Variants in LMNB2 observed in about 807,000 individuals in gnomAD.
The protein encoded by LMNB2 is lamin-B2.
Under a neutral mutation model 69.3 loss-of-function variants are expected in LMNB2, and 17 were observed. The observed-to-expected ratio is 0.25, with a 90% confidence interval of 0.17 to 0.37. LMNB2 has a LOEUF of 0.37. Ranked by LOEUF, LMNB2 falls within the 10% of genes least tolerant of loss-of-function variation. The probability of loss-of-function intolerance (pLI) is 1.00; values close to 1 mark genes in which losing one functional copy is unlikely to be tolerated. For synonymous variants in LMNB2, 397 were observed against 389.3 expected, an observed-to-expected ratio of 1.02 and a Z score of -0.23; for missense variants, 789 against 883.6, an observed-to-expected ratio of 0.89 and a Z score of 1.36.
chr19:2,433,753 C>T (rs147405167), intron 8 of LMNB2, 73 bp downstream of exon 8: 35,723 of 1,578,900 alleles, frequency 0.023, 505 homozygotes, highest in East Asian at 0.084. Flanking sequence ...CCGGCAGCCC[C>T]GTCACCCTGA....
chr19:2,438,642 G>A lies in LMNB2; in HGVS notation c.402-111C>T, dbSNP rs182614988. ...AAGACAAGGTCACCGAGGCCTCCGA[G>A]CCCCAGACCTTCCCGTCCTGCAGAC... On this transcript the variant is annotated intron_variant, in intron 2 of 11. Transcript: ENST00000325327. The A allele has an allele frequency of 3.0e-5, 40 of 1,331,522 alleles. 1 individual carries two copies. The South Asian group carries it at 5.3e-4, about 18-fold the overall frequency. 82.5% of individuals were successfully genotyped at this position (1,331,522 alleles called of 1,614,324 possible).
chr19:2,435,782 C>T (rs1273295422), intron 4 of LMNB2, among the ~76,000 whole-genome samples: 2 of 151,590 alleles, frequency 1.3e-5, no homozygotes, highest in East Asian at 3.9e-4. Context: ...CGCACCATTG[C>T]ACTCCAACCT....
Position 2,434,345 on chromosome 19 carries a change from C to T in LMNB2, c.1152G>A (p.Leu384=), listed in dbSNP as rs200482028. 3 of 1,613,272 alleles carry T rather than the reference C, an allele frequency of 1.9e-6. No individual in the cohort carries two copies. The Admixed American group carries it at 5.0e-5, about 27-fold the overall frequency. ...TCCGGTAGGCGTTGATCTCCATGTC[C>T]AGGGCCAGCTTCACGTCCAGCAGCT... ...YQELLDVKLA[L]DMEINAYRKL... is the part of the protein sequence containing the mutation. The change falls in exon 7 of 12, where the codon CTG becomes CTA. Residue 384 remains leucine, a synonymous_variant. Coordinates refer to ENST00000325327, the MANE Select transcript of LMNB2 (RefSeq NM_032737.4).
rs145143186 is a variant in LMNB2, at chr19:2,455,272, C to A, written c.264+1398G>T. On this transcript the variant is annotated intron_variant, in intron 1 of 11. Transcript: ENST00000325327. Reference sequence around the variant, plus strand: ...ACCCCAGAGACTCCAGGGAGACCCCCCACACACCCCATCTTGGGCCTCCTC... The same window carrying A: ...ACCCCAGAGACTCCAGGGAGACCCCACACACACCCCATCTTGGGCCTCCTC... Among the ~76,000 whole-genome samples, 239 of 152,044 alleles carry A rather than the reference C, an allele frequency of 1.6e-3. 1 individual carries two copies. The highest frequency in any genetic ancestry group is 5.5e-3 in the African/African-American group (228 of 41,474).
At chr19:2,440,614 C>T (rs1371178824) in intron 2 of LMNB2, among the ~76,000 whole-genome samples, 2 of 151,584 alleles carry the variant, frequency 1.3e-5, no homozygotes, top group African/African-American at 4.8e-5. Context: ...ATCCATCCAC[C>T]CATCATCCAT....
chr19:2,452,970 G>A (rs1972044178), intron 1 of LMNB2, among the ~76,000 whole-genome samples: 1 of 136,712 alleles, frequency 7.3e-6, no homozygotes, highest in Non-Finnish European at 1.6e-5. Flanking sequence ...ATCCTAATGG[G>A]GGATGGGTCA....
At position 2,430,771 on chromosome 19, in the gene LMNB2, G is replaced by A. The variant is rs1971729668; in HGVS notation, c.*140C>T. 2.7e-6 allele frequency: 2 copies of A among 739,990 alleles called. No individual in the cohort carries two copies. Among genetic ancestry groups the A allele is most frequent in the South Asian group, 1.4e-5 (1 of 69,204 alleles). The allele number at this position is 739,990 out of a possible 1,614,324, so 45.8% of individuals were successfully genotyped here. ...AGGAGACCCGCCAGGAGGGAGGGCT[G>A]GGGGAGACCCACCCACACGTTCTGG... is the stretch of plus-strand genomic sequence containing the variant. On this transcript the variant is annotated 3_prime_UTR_variant, in exon 12 of 12. Coordinates refer to ENST00000325327, the MANE Select transcript of LMNB2 (RefSeq NM_032737.4).
In LMNB2 at chr19:2,432,705, T is replaced by C. The variant is rs736704; in HGVS notation, c.1483-182A>G. On this transcript the variant is annotated intron_variant, in intron 8 of 11. Coordinates refer to ENST00000325327, the MANE Select transcript of LMNB2 (RefSeq NM_032737.4). Reference sequence around the variant, plus strand: ...CCTGCCTCGTCCTGACCGGCGGCCCTGTCACCCTGACCCTGGTCACCCCCA... The same window carrying C: ...CCTGCCTCGTCCTGACCGGCGGCCCCGTCACCCTGACCCTGGTCACCCCCA... Among the ~76,000 whole-genome samples the C allele has an allele frequency of 0.44, 53,928 of 121,886 alleles. 10,674 individuals carry two copies. Among genetic ancestry groups the C allele is most frequent in the African/African-American group, 0.59 (20,915 of 35,212 alleles). 80.0% of individuals were successfully genotyped at this position (121,886 alleles called of 152,430 possible). A position where few individuals can be genotyped will look rare whatever the true frequency, so the allele number is the denominator to read the frequency against.
Position 2,430,899 on chromosome 19 carries a change from A to T in LMNB2, c.*12T>A. 6.5e-7 allele frequency: 1 copy of T among 1,547,124 alleles called. No homozygotes were observed. Among genetic ancestry groups the T allele is most frequent in the Non-Finnish European group, 8.9e-7 (1 of 1,119,024 alleles). On this transcript the variant is annotated 3_prime_UTR_variant, in exon 12 of 12. Transcript: ENST00000325327. ...CTGGGTAAAGAAAGGTGTGTGGATG[A>T]GGAGTGTGGGTTCACATCACGTAGC...
At chr19:2,449,740 A>G (rs1971998812) in intron 1 of LMNB2, among the ~76,000 whole-genome samples, 1 of 150,360 alleles carries the variant, frequency 6.7e-6, no homozygotes, top group South Asian at 2.1e-4. Flanking sequence ...TCACGCCACT[A>G]CGCTGCAGCC....
chr19:2,447,831 C>A lies in LMNB2; in HGVS notation c.265-3291G>T, dbSNP rs1408141017. ...GCCTCTTCTGAGGTGGGACCCTCAG[C>A]CTCAAACCAACGCATGCTGGGCCAT... On this transcript the variant is annotated intron_variant, in intron 1 of 11. Transcript: ENST00000325327. The surrounding 1 kb of genome is among the most constrained non-coding windows in gnomAD (Gnocchi z 4.4). Among the ~76,000 whole-genome samples the A allele has an allele frequency of 2.0e-5, 3 of 152,194 alleles. No individual in the cohort carries two copies. The highest frequency in any genetic ancestry group is 7.2e-5 in the African/African-American group (3 of 41,444).
chr19:2,444,753 G>A (rs1971935049), intron 1 of LMNB2, among the ~76,000 whole-genome samples: 1 of 152,210 alleles, frequency 6.6e-6, no homozygotes, highest in Admixed American at 6.5e-5. Flanking sequence ...GTAACCAGGA[G>A]GAAGCCAGGC....
At chr19:2,455,542 A>C (rs1022776059) in intron 1 of LMNB2, among the ~76,000 whole-genome samples, 1 of 152,014 alleles carries the variant, frequency 6.6e-6, no homozygotes, top group Non-Finnish European at 1.5e-5. Context: ...TGTAACCCCC[A>C]TGGCCCCAAA....
chr19:2,435,476 T>A (rs539272956), intron 4 of LMNB2, among the ~76,000 whole-genome samples: 35 of 152,022 alleles, frequency 2.3e-4, no homozygotes, highest in African/African-American at 8.4e-4. Flanking sequence ...CCCATTTCCA[T>A]GAAATGTCCT....
chr19:2,435,008 T>TGGTA lies in LMNB2; in HGVS notation c.844_847dup (p.Gln283LeufsTer13). ...CCCGCCTGCCGGCCACACCTTGGCC[T>TGGTA]GGTAGGTCTGCTCCAGCTCCAGCTT... On this transcript the variant is annotated frameshift_variant, in exon 5 of 12. Transcript: ENST00000325327. LOFTEE classifies it high-confidence loss of function. 6.6e-7 allele frequency: 1 copy of TGGTA among 1,521,430 alleles called. No homozygotes were observed. The highest frequency in any genetic ancestry group is 8.9e-7 in the Non-Finnish European group (1 of 1,123,974). The allele number at this position is 1,521,430 out of a possible 1,614,324, so 94.2% of individuals were successfully genotyped here.
intron 2 of LMNB2, among the ~76,000 whole-genome samples, chr19:2,440,642 CATCCATCATCT>C (rs894555466): frequency 2.7e-5 from 4 of 149,320 alleles, no homozygotes; most frequent in African/African-American, 4.9e-5. Flanking sequence ...TCTACTCATC[CATCCATCATCT>C]ATCCATCATC....
At chr19:2,434,184 C>T in intron 7 of LMNB2, 79 bp from the exon 8 acceptor site, 1 of 1,539,338 alleles carries the variant, frequency 6.5e-7, no homozygotes, top group Non-Finnish European at 8.7e-7. Context: ...CGGCCACGGC[C>T]CGGCCCCACC....
intron 1 of LMNB2, among the ~76,000 whole-genome samples, chr19:2,455,290 G>A (rs1236363433): frequency 6.6e-6 from 1 of 151,548 alleles, no homozygotes; most frequent in Non-Finnish European, 1.5e-5. Context: ...CCCATCTTGG[G>A]CCTCCTCAGA....
intron 1 of LMNB2, among the ~76,000 whole-genome samples, chr19:2,454,906 G>A (rs1016563164): frequency 6.6e-6 from 1 of 152,044 alleles, no homozygotes; most frequent in African/African-American, 2.4e-5. Flanking sequence ...TCCCCTTGGT[G>A]GGCAGACTTT....
Sources: gnomAD v4.1 joint callset for allele counts (sites outside exome capture counted in the v4.1 genomes callset) on GRCh38, gnomAD v4.1.1 for gene constraint, Gnocchi (gnomAD v3.1) non-coding constraint, MANE v1.5 for transcripts, NCBI Gene and HGNC (gene_info 2026-07-23, HGNC 2026-07-21) for gene names.